Variants in CD59 observed in about 807,000 individuals in gnomAD.
CD59 encodes CD59 glycoprotein.
In CD59, 3 loss-of-function variants were observed where a neutral mutation model predicts 7.0. The ratio of observed to expected loss-of-function variants is 0.43; its 90% CI spans 0.19 to 1.10. CD59 has a LOEUF of 1.10. Among genes scored for constraint, CD59 ranks in the 50% least tolerant of loss-of-function variants. CD59 has a pLI of 0.29. For missense variants in CD59, 143 were observed against 151.0 expected (o/e 0.95, Z 0.28); for synonymous variants, 60 against 62.0 (o/e 0.97, Z 0.15).
At chr11:33,724,229 C>T (rs10768022) in intron 1 of CD59, among the ~76,000 whole-genome samples, 17,861 of 152,260 alleles carry the variant, frequency 0.12, 1,191 homozygotes, top group East Asian at 0.2. Context: ...CAGGAGCTGC[C>T]GGTTCAGGAC....
rs1031512352 is a variant in CD59 at position 33,708,038 on chromosome 11, A to G, written c.*2088T>C. ...CTCTCTATTTAACCTAGGCTGACTC[A>G]CTGCAGTTGGCACTAATTTTCTATT... On this transcript the variant is annotated 3_prime_UTR_variant, in exon 4 of 4. Coordinates refer to ENST00000642928, the MANE Select transcript of CD59 (RefSeq NM_000611.6). 6.6e-6 allele frequency: 1 copy of G among 152,154 alleles called. No homozygotes were observed. Among genetic ancestry groups the G allele is most frequent in the African/African-American group, 2.4e-5 (1 of 41,432 alleles). The allele number at this position is 152,154 out of a possible 1,614,324, so 9.4% of individuals were successfully genotyped here.
intron 1 of CD59, among the ~76,000 whole-genome samples, chr11:33,731,630 C>A (rs1437950074): frequency 6.6e-6 from 1 of 152,188 alleles, no homozygotes; most frequent in African/African-American, 2.4e-5. Context: ...TGAGCCAGCA[C>A]TCAGGTGCTG....
intron 3 of CD59, among the ~76,000 whole-genome samples, chr11:33,711,963 TTAAAGA>T (rs1366661742): frequency 3.9e-5 from 6 of 152,168 alleles, no homozygotes; most frequent in African/African-American, 1.4e-4. Context: ...CTGCAAAAAG[TTAAAGA>T]TAGAGTTATC....
At chr11:33,718,307 AC>A (rs1419270027) in intron 2 of CD59, 1 of 152,202 alleles carries the variant, frequency 6.6e-6, no homozygotes, top group Non-Finnish European at 1.5e-5. Context: ...ACATAGCGAA[AC>A]CCCATCTCTA....
chr11:33,703,726 G>A lies in CD59; in HGVS notation c.*6400C>T, dbSNP rs1158957091. On this transcript the variant is annotated 3_prime_UTR_variant, in exon 4 of 4. Transcript: ENST00000642928. ...ACTGTCATAGTGAAGAGCTTGCCAA[G>A]GACAGGACTGATTCTTCCTCCAGCC... 3 of 152,124 alleles carry A rather than the reference G, an allele frequency of 2.0e-5. No individual in the cohort carries two copies. The highest frequency in any genetic ancestry group is 2.0e-4 in the Admixed American group (3 of 15,286). The allele number at this position is 152,124 out of a possible 1,614,324, so 9.4% of individuals were successfully genotyped here.
At chr11:33,725,788 G>A (rs553460459) in intron 1 of CD59, among the ~76,000 whole-genome samples, 5 of 152,210 alleles carry the variant, frequency 3.3e-5, no homozygotes, top group Admixed American at 6.5e-5. Flanking sequence ...GTGGGGAACC[G>A]CATAGCCAGG....
intron 3 of CD59, chr11:33,711,612 G>C (rs1853563036): frequency 3.6e-6 from 2 of 558,522 alleles, no homozygotes; most frequent in Non-Finnish European, 6.3e-6. Flanking sequence ...AGGACTTTAA[G>C]GCTGCAGTGA....
chr11:33,711,341 G>A (rs966208306), intron 3 of CD59: 1 of 696,476 alleles, frequency 1.4e-6, no homozygotes. Flanking sequence ...ATAGTATCCA[G>A]GATATAGAAA....
intron 2 of CD59, among the ~76,000 whole-genome samples, chr11:33,720,731 T>A (rs1384559617): frequency 6.8e-6 from 1 of 147,958 alleles, no homozygotes; most frequent in Non-Finnish European, 1.5e-5. Flanking sequence ...TCCATCCCCC[T>A]GAAAAAAACA....
intron 1 of CD59, among the ~76,000 whole-genome samples, chr11:33,728,762 A>T (rs568379611): frequency 3.7e-4 from 56 of 152,358 alleles, no homozygotes; most frequent in Admixed American, 1.1e-3. Context: ...AAATGTTTGC[A>T]ATCTATCCAT....
chr11:33,717,046 C>T (rs1210648942), intron 3 of CD59, among the ~76,000 whole-genome samples: 1 of 152,226 alleles, frequency 6.6e-6, no homozygotes, highest in Non-Finnish European at 1.5e-5. Flanking sequence ...GGAGGCAGCA[C>T]AGGGCTGCTG....
chr11:33,711,760 C>A (rs1270309855), intron 3 of CD59, among the ~76,000 whole-genome samples: 1 of 152,152 alleles, frequency 6.6e-6, no homozygotes, highest in Admixed American at 6.5e-5. Context: ...TGAAAAGATG[C>A]TTGATATCAT....
In CD59 at chr11:33,717,271, T is replaced by C. The variant is rs962890306; in HGVS notation, c.169+99A>G. The C allele has an allele frequency of 2.3e-5, 17 of 735,302 alleles. No individual in the cohort carries two copies. In the African/African-American group the frequency reaches 2.9e-4, roughly 13 times the overall value. The allele number at this position is 735,302 out of a possible 1,614,324, so 45.5% of individuals were successfully genotyped here. The stretch of plus-strand genomic sequence containing the variant: ...CCTGACGCTAATAAATGGTAGCTAT[T>C]ACTTGATGCAAGCCTAATGAGGATT... On this transcript the variant is annotated intron_variant, in intron 3 of 3. Transcript: ENST00000642928.
intron 1 of CD59, among the ~76,000 whole-genome samples, chr11:33,723,231 G>A (rs762175817): frequency 5.3e-5 from 8 of 152,164 alleles, no homozygotes; most frequent in Non-Finnish European, 1.2e-4. Flanking sequence ...GGCAGTGCCT[G>A]TAAACCAGGG....
intron 2 of CD59, chr11:33,719,326 A>G (rs2133550252): frequency 6.6e-6 from 1 of 152,352 alleles, no homozygotes; most frequent in Non-Finnish European, 1.5e-5. Flanking sequence ...GTTTTAAAAA[A>G]CAACAACAAA....
chr11:33,730,874 G>T (rs1480815360), intron 1 of CD59, among the ~76,000 whole-genome samples: 1 of 152,240 alleles, frequency 6.6e-6, no homozygotes. Flanking sequence ...ATGTACTACA[G>T]ATTGAGGTCT....
At chr11:33,722,749 CA>C (rs1854129613) in intron 1 of CD59, 2 of 1,168,890 alleles carry the variant, frequency 1.7e-6, no homozygotes, top group South Asian at 1.6e-5. Flanking sequence ...CAAATTGACT[CA>C]TATAGCCACT....
intron 1 of CD59, among the ~76,000 whole-genome samples, chr11:33,725,977 C>G (rs1190306757): frequency 6.6e-6 from 1 of 152,112 alleles, no homozygotes; most frequent in Non-Finnish European, 1.5e-5. Flanking sequence ...ACAAGAAGAG[C>G]TAACTATCCT....
At position 33,706,645 on chromosome 11, in the gene CD59, T is replaced by C. The variant is rs868142551; in HGVS notation, c.*3481A>G. On this transcript the variant is annotated 3_prime_UTR_variant, in exon 4 of 4. Coordinates refer to ENST00000642928, the MANE Select transcript of CD59 (RefSeq NM_000611.6). Reference sequence around the variant, plus strand: ...TTCCTAACTACAAAATCCACGGGTTTAACTGCTGCTCTCCTGAAATGAAAT... The same window carrying C: ...TTCCTAACTACAAAATCCACGGGTTCAACTGCTGCTCTCCTGAAATGAAAT... 6 of 151,952 alleles carry C rather than the reference T, an allele frequency of 3.9e-5. No individual in the cohort carries two copies. The highest frequency in any genetic ancestry group is 3.2e-3 in the Middle Eastern group (1 of 314). 9.4% of individuals were successfully genotyped at this position (151,952 alleles called of 1,614,324 possible).
Sources: gnomAD v4.1 joint callset for allele counts (sites outside exome capture counted in the v4.1 genomes callset) on GRCh38, gnomAD v4.1.1 for gene constraint, MANE v1.5 for transcripts, NCBI Gene and HGNC (gene_info 2026-07-23, HGNC 2026-07-21) for gene names.